Variants in CELA2B observed in about 807,000 individuals in gnomAD.
The protein encoded by CELA2B is chymotrypsin like elastase 2B.
Under a neutral mutation model 36.5 loss-of-function variants are expected in CELA2B, and 27 were observed. The observed-to-expected ratio is 0.74, with a 90% CI of 0.55 to 1.02. The LOEUF (loss-of-function observed/expected upper bound fraction) is 1.02. Ranked by LOEUF, CELA2B falls within the 50% of genes least tolerant of loss-of-function variation. The probability of loss-of-function intolerance (pLI) is 0.00; values close to 1 mark genes in which losing one functional copy is unlikely to be tolerated. For missense variants in CELA2B, 340 were observed against 347.8 expected (o/e 0.98, Z 0.18); for synonymous variants, 143 against 148.5 (o/e 0.96, Z 0.27).
Position 15,481,200 on chromosome 1 carries a change from C to T in CELA2B, c.227+5C>T, listed in dbSNP as rs1421571382. ...GACGGCTGCCCACTGCATCAGGTAA[C>T]TGCCATTCCCTGGGCGCTTGGCCTG... On this transcript the variant is annotated splice_donor_5th_base_variant and intron_variant, in intron 3 of 7. Coordinates refer to ENST00000375910, the MANE Select transcript of CELA2B (RefSeq NM_015849.3). 1.2e-6 allele frequency: 2 copies of T among 1,614,236 alleles called. No individual in the cohort carries two copies. Among genetic ancestry groups the T allele is most frequent in the Admixed American group, 1.7e-5 (1 of 60,032 alleles).
At chr1:15,486,097 A>T in intron 6 of CELA2B, 51 bp downstream of exon 6, 1 of 1,596,884 alleles carries the variant, frequency 6.3e-7, no homozygotes, top group Non-Finnish European at 8.6e-7. Flanking sequence ...GTGGCTGGGG[A>T]TGGGAAGAGG....
At chr1:15,477,895 T>C (rs1194693589) in intron 2 of CELA2B, among the ~76,000 whole-genome samples, 4 of 152,204 alleles carry the variant, frequency 2.6e-5, no homozygotes, top group East Asian at 1.9e-4. Context: ...CTAATTTAAG[T>C]AGAAGGAGCA....
chr1:15,485,055 C>A (rs1288734766), intron 5 of CELA2B, among the ~76,000 whole-genome samples: 3 of 152,024 alleles, frequency 2.0e-5, no homozygotes, highest in Non-Finnish European at 4.4e-5. Flanking sequence ...GTGCACCACG[C>A]CCAGCTAATT....
At chr1:15,482,011 TAG>T (rs35206351) in intron 3 of CELA2B, among the ~76,000 whole-genome samples, 40,726 of 152,038 alleles carry the variant, frequency 0.27, 5,868 homozygotes, top group East Asian at 0.56. Flanking sequence ...CATAATACTA[TAG>T]AGTTTGTGCT....
rs781358035 is a variant in CELA2B, at chr1:15,485,992, C to T, written c.585C>T (p.Thr195=). 1.4e-5 allele frequency: 22 copies of T among 1,614,030 alleles called. No individual in the cohort carries two copies. The highest frequency in any genetic ancestry group is 1.7e-5 in the Admixed American group (1 of 59,990). The change falls in exon 6 of 8, where the codon ACC becomes ACT. Residue 195 remains threonine, a synonymous_variant. Coordinates refer to ENST00000375910, the MANE Select transcript of CELA2B (RefSeq NM_015849.3). ...CCAGCTCTGGCTGGTGGGGCAGCAC[C>T]GTGAAGACGAATATGATCTGTGCTG... ...TCSSSGWWGS[T]VKTNMICAGG...
Position 15,482,320 on chromosome 1 carries a change from T to C in CELA2B, c.283T>C (p.Ser95Pro). ...LGQHNLYVAE[S>P]GSLAVSVSKI... The stretch of plus-strand genomic sequence containing the variant: ...CCAGCATAACCTCTACGTTGCAGAG[T>C]CCGGCTCGCTGGCCGTCAGTGTCTC... Residue 95 changes from serine to proline, a missense_variant, in exon 4 of 8, where the codon TCC becomes CCC. Transcript: ENST00000375910. 1 of 1,613,914 alleles carries C rather than the reference T, an allele frequency of 6.2e-7. No individual in the cohort carries two copies. Among genetic ancestry groups the C allele is most frequent in the Non-Finnish European group, 8.5e-7 (1 of 1,179,984 alleles).
At position 15,481,156 on chromosome 1, in the gene CELA2B, T is replaced by C; in HGVS notation, c.188T>C (p.Ile63Thr). ...QWYHTCGGSL[I>T]ANSWVLTAAH... The stretch of plus-strand genomic sequence containing the variant: ...TACCACACCTGCGGAGGGTCCCTGA[T>C]AGCCAACAGCTGGGTCCTGACGGCT... The change falls in exon 3 of 8, where the codon ATA becomes ACA. Residue 63 changes from isoleucine (I) to threonine (T), a missense_variant. By Grantham distance (89) the Ile-to-Thr change is moderately conservative. Transcript: ENST00000375910. 1.2e-6 allele frequency: 2 copies of C among 1,614,006 alleles called. No individual in the cohort carries two copies. Among genetic ancestry groups the C allele is most frequent in the Admixed American group, 1.7e-5 (1 of 60,030 alleles).
Position 15,483,317 on chromosome 1 carries a change from T to C in CELA2B, c.410T>C (p.Ile137Thr). The C allele has an allele frequency of 1.2e-6, 2 of 1,613,938 alleles. No homozygotes were observed. Among genetic ancestry groups the C allele is most frequent in the South Asian group, 1.1e-5 (1 of 91,066 alleles). ...AACCCCGTCTCCCTCACCGACAAGA[T>C]CCAGCTGGCCTGCCTCCCTCCTGCC... ...LANPVSLTDKIQLACLPPAGT... is the reference protein window; with the variant it reads ...LANPVSLTDKTQLACLPPAGT... Residue 137 changes from isoleucine to threonine, a missense_variant, in exon 5 of 8, where the codon ATC (isoleucine) becomes ACC (threonine). Coordinates refer to ENST00000375910, the MANE Select transcript of CELA2B (RefSeq NM_015849.3).
At chr1:15,488,255 T>C (rs1708829967) in intron 7 of CELA2B, among the ~76,000 whole-genome samples, 1 of 151,850 alleles carries the variant, frequency 6.6e-6, no homozygotes, top group Non-Finnish European at 1.5e-5. Context: ...GCCATGGTGG[T>C]GCATGCCTGT....
At chr1:15,490,322 T>G (rs527548228) in intron 7 of CELA2B, among the ~76,000 whole-genome samples, 3 of 152,292 alleles carry the variant, frequency 2.0e-5, no homozygotes, top group African/African-American at 7.2e-5. Context: ...GTCTTCATAC[T>G]GTTCTGCAGC....
intron 2 of CELA2B, among the ~76,000 whole-genome samples, chr1:15,478,009 C>T (rs1217543485): frequency 2.0e-5 from 3 of 152,002 alleles, no homozygotes; most frequent in Non-Finnish European, 4.4e-5. Flanking sequence ...AAGAGACTGT[C>T]CATGATAGGC....
At chr1:15,484,481 G>C (rs934526570) in intron 5 of CELA2B, among the ~76,000 whole-genome samples, 4 of 152,150 alleles carry the variant, frequency 2.6e-5, no homozygotes, top group Non-Finnish European at 4.4e-5. Context: ...TGTTTTTCCA[G>C]GGGTACATCC....
rs1451264858 is a variant in CELA2B at position 15,487,367 on chromosome 1, T to C, written c.722T>C (p.Leu241Pro). ...VHGIGSLTSV[L>P]GCNYYYKPSI... Reference sequence around the variant, plus strand: ...GGCATCGGCAGCCTCACGTCGGTCCTTGGTTGCAACTACTACTACAAGCCC... The same window carrying C: ...GGCATCGGCAGCCTCACGTCGGTCCCTGGTTGCAACTACTACTACAAGCCC... The change falls in exon 7 of 8, where the codon CTT (leucine) becomes CCT (proline). Residue 241 changes from leucine (L) to proline (P), a missense_variant. By Grantham distance (98) the Leu-to-Pro change is moderately conservative. Transcript: ENST00000375910. 5 of 1,614,126 alleles carry C rather than the reference T, an allele frequency of 3.1e-6. No homozygotes were observed. Among genetic ancestry groups the C allele is most frequent in the Non-Finnish European group, 3.4e-6 (4 of 1,180,042 alleles).
In CELA2B at chr1:15,482,288, T is replaced by G. The variant is rs1235036325; in HGVS notation, c.251T>G (p.Met84Arg). 7 of 1,614,022 alleles carry G rather than the reference T, an allele frequency of 4.3e-6. No homozygotes were observed. The highest frequency in any genetic ancestry group is 2.7e-5 in the African/African-American group (2 of 75,036). The change falls in exon 4 of 8, where the codon ATG (methionine) becomes AGG (arginine). Residue 84 changes from methionine to arginine, a missense_variant. By Grantham distance (91) the Met-to-Arg change is moderately conservative. Transcript: ENST00000375910. ...AGCTCCTCCGGGATCTACCGCGTGA[T>G]GCTGGGCCAGCATAACCTCTACGTT... ...CISSSGIYRV[M>R]LGQHNLYVAE...
At chr1:15,489,107 C>G (rs147306678) in intron 7 of CELA2B, among the ~76,000 whole-genome samples, 1 of 152,212 alleles carries the variant, frequency 6.6e-6, no homozygotes, top group African/African-American at 2.4e-5. Flanking sequence ...GGGGCCTTTC[C>G]CAGCCAAATC....
chr1:15,486,783 GCT>G (rs1434358421), intron 6 of CELA2B, among the ~76,000 whole-genome samples: 1 of 152,196 alleles, frequency 6.6e-6, no homozygotes, highest in Non-Finnish European at 1.5e-5. Context: ...ACCAGGAATT[GCT>G]CTGTGTTGGA....
chr1:15,479,449 G>A (rs1179137594), intron 2 of CELA2B, among the ~76,000 whole-genome samples: 2 of 152,166 alleles, frequency 1.3e-5, no homozygotes, highest in Admixed American at 6.6e-5. Context: ...GGGAGGCTGA[G>A]GCAGGAGAAT....
chr1:15,486,830 A>T (rs780912631), intron 6 of CELA2B, among the ~76,000 whole-genome samples: 54 of 152,102 alleles, frequency 3.6e-4, no homozygotes, highest in Non-Finnish European at 7.1e-4. Flanking sequence ...TAGGAAGGAG[A>T]TCCACACGCC....
intron 2 of CELA2B, among the ~76,000 whole-genome samples, chr1:15,477,210 A>G (rs1004600315): frequency 6.6e-6 from 1 of 152,212 alleles, no homozygotes; most frequent in Non-Finnish European, 1.5e-5. Context: ...TAAGGAACCA[A>G]TCAGTGCTAT....
Sources: gnomAD v4.1 joint callset for allele counts (sites outside exome capture counted in the v4.1 genomes callset) on GRCh38, gnomAD v4.1.1 for gene constraint, MANE v1.5 for transcripts, NCBI Gene and HGNC (gene_info 2026-07-23, HGNC 2026-07-21) for gene names.